COG6: variants seen among roughly 807,000 people sequenced by gnomAD.
COG6 encodes the protein conserved oligomeric Golgi complex subunit 6.
In COG6, 74 loss-of-function variants were observed where a neutral mutation model predicts 88.8. The observed-to-expected ratio is 0.83, with a 90% CI of 0.69 to 1.01. The LOEUF is 1.01. Among genes scored for constraint, COG6 ranks in the 50% least tolerant of loss-of-function variants. The probability of loss-of-function intolerance (pLI) is 0.00; values close to 1 mark genes in which losing one functional copy is unlikely to be tolerated. For missense variants in COG6, 800 were observed against 797.9 expected (o/e 1.00, Z -0.03); for synonymous variants, 286 against 278.7 (o/e 1.03, Z -0.26).
chr13:39,689,705 A>T (rs1438935268), intron 10 of COG6, 55 bp from the exon 11 acceptor site: 4 of 1,265,220 alleles, frequency 3.2e-6, no homozygotes, highest in Non-Finnish European at 4.6e-6. Flanking sequence ...TTGAACTTAT[A>T]TGAAGCAAAG....
chr13:39,711,218 A>T (rs1250747155), intron 13 of COG6, among the ~76,000 whole-genome samples: 2 of 152,148 alleles, frequency 1.3e-5, no homozygotes, highest in African/African-American at 2.4e-5. Flanking sequence ...GGAAGAAAGG[A>T]TGCGTTATGT....
intron 18 of COG6, among the ~76,000 whole-genome samples, chr13:39,762,996 A>G (rs1881067156): frequency 6.6e-6 from 1 of 151,622 alleles, no homozygotes; most frequent in Non-Finnish European, 1.5e-5. Context: ...TTAATTATGA[A>G]TGGACGTTGA....
intron 18 of COG6, among the ~76,000 whole-genome samples, chr13:39,743,803 AAG>A (rs1880184426): frequency 6.6e-6 from 1 of 152,174 alleles, no homozygotes; most frequent in Non-Finnish European, 1.5e-5. Flanking sequence ...ACAACAAAAA[AAG>A]AGAATTTTAG....
chr13:39,713,640 G>A (rs548238115), intron 13 of COG6, among the ~76,000 whole-genome samples: 1 of 152,250 alleles, frequency 6.6e-6, no homozygotes, highest in East Asian at 1.9e-4. Context: ...GGAGGCCAAG[G>A]CAGGAGAATG....
At chr13:39,678,719 G>C (rs1324153070) in intron 5 of COG6, among the ~76,000 whole-genome samples, 1 of 152,074 alleles carries the variant, frequency 6.6e-6, no homozygotes, top group African/African-American at 2.4e-5. Flanking sequence ...TTCTCACTGA[G>C]TGTCTCTGAG....
chr13:39,682,789 G>C (rs1876391305), intron 8 of COG6, among the ~76,000 whole-genome samples: 1 of 151,546 alleles, frequency 6.6e-6, no homozygotes, highest in South Asian at 2.1e-4. Flanking sequence ...TGTATTTGTT[G>C]ATATGTTTTT....
chr13:39,721,485 G>A (rs1354739816), intron 15 of COG6, among the ~76,000 whole-genome samples: 1 of 152,026 alleles, frequency 6.6e-6, no homozygotes, highest in African/African-American at 2.4e-5. Flanking sequence ...TTTTCCCAGT[G>A]CCCTTTCAGA....
chr13:39,781,833 A>G (rs1881639701), intron 18 of COG6, among the ~76,000 whole-genome samples: 1 of 152,228 alleles, frequency 6.6e-6, no homozygotes, highest in African/African-American at 2.4e-5. Context: ...TTTTTCAAAT[A>G]ATTTTAACAA....
chr13:39,739,357 C>CAAGAGA (rs1879931353), intron 18 of COG6, among the ~76,000 whole-genome samples: 2 of 151,964 alleles, frequency 1.3e-5, no homozygotes, highest in Admixed American at 1.3e-4. Flanking sequence ...CACCTATATG[C>CAAGAGA]CCTTTACAAG....
At chr13:39,711,317 C>A (rs947928845) in intron 13 of COG6, among the ~76,000 whole-genome samples, 3 of 152,124 alleles carry the variant, frequency 2.0e-5, no homozygotes, top group Admixed American at 2.0e-4. Flanking sequence ...TAAGAAACAG[C>A]TGTTAATAGC....
At chr13:39,706,820 G>T (rs983284782) in intron 13 of COG6, among the ~76,000 whole-genome samples, 1 of 150,944 alleles carries the variant, frequency 6.6e-6, no homozygotes, top group East Asian at 2.0e-4. Context: ...AGTAGCTGGG[G>T]TTACAGGCAT....
At chr13:39,671,222 G>A (rs1469131370) in intron 4 of COG6, among the ~76,000 whole-genome samples, 1 of 151,924 alleles carries the variant, frequency 6.6e-6, no homozygotes, top group African/African-American at 2.4e-5. Context: ...CATGCTGTAA[G>A]GGAAATAGTA....
chr13:39,762,161 G>A (rs1020787191), intron 18 of COG6, among the ~76,000 whole-genome samples: 59 of 151,854 alleles, frequency 3.9e-4, no homozygotes, highest in Middle Eastern at 6.8e-3. Flanking sequence ...GCATATATAC[G>A]CAGTGGAATA....
At chr13:39,659,164 A>T (rs1874726684) in intron 1 of COG6, among the ~76,000 whole-genome samples, 200 bp from the exon 2 acceptor site, 1 of 152,186 alleles carries the variant, frequency 6.6e-6, no homozygotes, top group East Asian at 1.9e-4. Flanking sequence ...TCTTGTATAT[A>T]TAACACTATA....
chr13:39,673,344 T>C (rs747972514), intron 4 of COG6, among the ~76,000 whole-genome samples: 5 of 152,026 alleles, frequency 3.3e-5, no homozygotes, highest in Non-Finnish European at 7.4e-5. Context: ...TTTAGAAATT[T>C]ATCAGGTTTT....
chr13:39,756,753 C>T (rs909660747), downstream of COG6, among the ~76,000 whole-genome samples: 8 of 150,648 alleles, frequency 5.3e-5, no homozygotes, highest in East Asian at 1.9e-4. Flanking sequence ...GGGCGGGGGG[C>T]GGCAGTGGCG....
At chr13:39,714,037 A>T (rs1400208916) in intron 13 of COG6, among the ~76,000 whole-genome samples, 1 of 152,212 alleles carries the variant, frequency 6.6e-6, no homozygotes, top group Non-Finnish European at 1.5e-5. Flanking sequence ...ACTCACTTGC[A>T]ATGATTTACC....
intron 18 of COG6, among the ~76,000 whole-genome samples, chr13:39,749,071 A>G (rs574515397): frequency 1.3e-5 from 2 of 152,298 alleles, no homozygotes; most frequent in African/African-American, 4.8e-5. Context: ...ACAACTTAAC[A>G]CAATATTACT....
At chr13:39,780,975 A>G (rs1307762852) in intron 18 of COG6, among the ~76,000 whole-genome samples, 2 of 152,190 alleles carry the variant, frequency 1.3e-5, no homozygotes, top group African/African-American at 4.8e-5. Flanking sequence ...CTAAGTAAAA[A>G]GTTCATTACT....
Sources: gnomAD v4.1 joint callset for allele counts (sites outside exome capture counted in the v4.1 genomes callset) on GRCh38, gnomAD v4.1.1 for gene constraint, MANE v1.5 for transcripts, NCBI Gene and HGNC (gene_info 2026-07-23, HGNC 2026-07-21) for gene names.